ABHD18: variants seen among roughly 807,000 people sequenced by gnomAD.
ABHD18 encodes cardiolipin-specific deacylase, mitochondrial.
In ABHD18, 55 loss-of-function variants were observed where a neutral mutation model predicts 65.9. That is an observed-to-expected ratio of 0.84 (90% CI 0.67 to 1.05). The LOEUF (loss-of-function observed/expected upper bound fraction) is 1.05. Ranked by LOEUF, ABHD18 falls within the 50% of genes least tolerant of loss-of-function variation. ABHD18 has a pLI of 0.00. For missense variants in ABHD18, 533 were observed against 558.5 expected (o/e 0.95, Z 0.46); for synonymous variants, 181 against 180.2 (o/e 1.00, Z -0.04).
intron 3 of ABHD18, among the ~76,000 whole-genome samples, chr4:127,984,811 G>T (rs1749682600): frequency 6.6e-6 from 1 of 152,220 alleles, no homozygotes; most frequent in South Asian, 2.1e-4. Flanking sequence ...AGTGAGCCAA[G>T]ATCACGCCTT....
chr4:127,989,310 A>T (rs923432793), intron 3 of ABHD18, among the ~76,000 whole-genome samples: 13 of 152,188 alleles, frequency 8.5e-5, no homozygotes, highest in African/African-American at 3.1e-4. Flanking sequence ...GGAGATGATT[A>T]ATTGGTGCAA....
intron 4 of ABHD18, among the ~76,000 whole-genome samples, chr4:128,002,408 T>A (rs1752819738): frequency 1.3e-5 from 2 of 152,016 alleles, no homozygotes; most frequent in East Asian, 3.9e-4. Context: ...GTCTCCCAAG[T>A]AGCTGGGATT....
At chr4:128,001,447 A>G (rs1752615806) in intron 4 of ABHD18, among the ~76,000 whole-genome samples, 2 of 152,170 alleles carry the variant, frequency 1.3e-5, no homozygotes, top group Admixed American at 6.6e-5. Flanking sequence ...ATTAATTTGC[A>G]TATATTGAAC....
At chr4:128,035,273 G>A (rs1157272223) in intron 12 of ABHD18, among the ~76,000 whole-genome samples, 1 of 152,068 alleles carries the variant, frequency 6.6e-6, no homozygotes, top group Non-Finnish European at 1.5e-5. Flanking sequence ...AATGCTTTTA[G>A]ATCCCTCATA....
intron 12 of ABHD18, among the ~76,000 whole-genome samples, chr4:128,034,000 C>T (rs1758584397): frequency 7.1e-6 from 1 of 140,304 alleles, no homozygotes; most frequent in Admixed American, 7.3e-5. Flanking sequence ...TGCTTGTCAC[C>T]TAGGCTGGAG....
intron 12 of ABHD18, among the ~76,000 whole-genome samples, chr4:128,033,029 G>A (rs970237185): frequency 5.3e-5 from 8 of 152,112 alleles, no homozygotes; most frequent in East Asian, 1.9e-4. Context: ...CGAGGCGGGT[G>A]GATCACGAGG....
At chr4:127,995,202 A>T (rs1369497916) in intron 4 of ABHD18, among the ~76,000 whole-genome samples, 2 of 152,216 alleles carry the variant, frequency 1.3e-5, no homozygotes, top group African/African-American at 4.8e-5. Flanking sequence ...TAAATTATGC[A>T]TACTTGCAAA....
At chr4:128,021,281 T>A in intron 10 of ABHD18, 43 bp downstream of exon 10, 2 of 1,132,442 alleles carry the variant, frequency 1.8e-6, no homozygotes, top group South Asian at 2.8e-5. Context: ...GTGGGGGGAG[T>A]TGATTGTATA....
rs1560794555 is a variant in ABHD18, at chr4:127,965,482, C to T, written c.-142C>T. On this transcript the variant is annotated 5_prime_UTR_variant, in exon 1 of 13. Coordinates refer to ENST00000645843, the MANE Select transcript of ABHD18 (RefSeq NM_001358451.3). The stretch of plus-strand genomic sequence containing the variant: ...TTCCGCTGTATCTAGCATTTCGGTT[C>T]CTGGAAAGGTTACCGGAGCTGCGAT... The T allele has an allele frequency of 2.4e-6, 1 of 418,080 alleles. No homozygotes were observed. The highest frequency in any genetic ancestry group is 2.4e-5 in the South Asian group (1 of 42,382). 25.9% of individuals were successfully genotyped at this position (418,080 alleles called of 1,614,324 possible).
chr4:127,981,226 TATG>T (rs1396717729), intron 1 of ABHD18, among the ~76,000 whole-genome samples: 1 of 152,222 alleles, frequency 6.6e-6, no homozygotes, highest in Non-Finnish European at 1.5e-5. Flanking sequence ...ATATTCCACG[TATG>T]ATATTTTTTT....
chr4:127,967,423 G>A (rs984259692), intron 1 of ABHD18, among the ~76,000 whole-genome samples: 2 of 152,004 alleles, frequency 1.3e-5, no homozygotes, highest in Non-Finnish European at 2.9e-5. Context: ...ATGGCAAAGC[G>A]GCAAGAAGAA....
rs1414043546 is a variant in ABHD18 at position 128,038,050 on chromosome 4, G to A, written c.*2237G>A. ...CTACTAACGATATTTGAATTATAAT[G>A]TGCCTTTGCAGTCTTTTTAAAGGAG... On this transcript the variant is annotated 3_prime_UTR_variant, in exon 13 of 13. Coordinates refer to ENST00000645843, the MANE Select transcript of ABHD18 (RefSeq NM_001358451.3). 2.0e-5 allele frequency: 3 copies of A among 152,288 alleles called. No individual in the cohort carries two copies. The highest frequency in any genetic ancestry group is 3.9e-4 in the East Asian group (2 of 5,178). 9.4% of individuals were successfully genotyped at this position (152,288 alleles called of 1,614,324 possible). A position where few individuals can be genotyped will look rare whatever the true frequency, so the allele number is the denominator to read the frequency against.
intron 4 of ABHD18, among the ~76,000 whole-genome samples, chr4:127,991,319 C>G (rs553872433): frequency 6.6e-6 from 1 of 152,236 alleles, no homozygotes; most frequent in African/African-American, 2.4e-5. Context: ...CTCCGCCTCC[C>G]GGGTTCAGGT....
Position 128,039,605 on chromosome 4 carries a change from T to C in ABHD18, c.*3792T>C, listed in dbSNP as rs1053659998. The C allele has an allele frequency of 1.3e-5, 2 of 152,214 alleles. No homozygotes were observed. Among genetic ancestry groups the C allele is most frequent in the Admixed American group, 1.3e-4 (2 of 15,258 alleles). The allele number at this position is 152,214 out of a possible 1,614,324, so 9.4% of individuals were successfully genotyped here. A position where few individuals can be genotyped will look rare whatever the true frequency, so the allele number is the denominator to read the frequency against. ...TCTTTGTATTTTTGTAATGTGGTGC[T>C]TTCTCTCATAAAGATAATTGAATTG... On this transcript the variant is annotated 3_prime_UTR_variant, in exon 13 of 13. Transcript: ENST00000645843.
intron 8 of ABHD18, among the ~76,000 whole-genome samples, chr4:128,017,920 C>G (rs1755796610): frequency 6.6e-6 from 1 of 152,140 alleles, no homozygotes; most frequent in African/African-American, 2.4e-5. Context: ...TTCTCTGTCT[C>G]TAGTCTTTTC....
chr4:127,986,479 G>A (rs1438259669), intron 3 of ABHD18, among the ~76,000 whole-genome samples: 1 of 152,064 alleles, frequency 6.6e-6, no homozygotes, highest in Non-Finnish European at 1.5e-5. Flanking sequence ...ATGGACATTT[G>A]GGTTGTTTTC....
intron 4 of ABHD18, chr4:128,001,816 G>A: frequency 4.8e-6 from 7 of 1,469,720 alleles, no homozygotes; most frequent in Non-Finnish European, 6.3e-6. Flanking sequence ...TATATCCTTA[G>A]TGGTTAGATG....
intron 7 of ABHD18, among the ~76,000 whole-genome samples, chr4:128,016,513 G>A (rs992460653): frequency 6.6e-6 from 1 of 152,076 alleles, no homozygotes; most frequent in East Asian, 1.9e-4. Flanking sequence ...GGTGGCTCAC[G>A]CCTGTAATCC....
At chr4:128,023,347 C>T (rs1756824728) in intron 10 of ABHD18, among the ~76,000 whole-genome samples, 1 of 124,734 alleles carries the variant, frequency 8.0e-6, no homozygotes, top group South Asian at 2.6e-4. Flanking sequence ...AAGAGGATCA[C>T]TTGAAGCCAG....
Sources: gnomAD v4.1 joint callset for allele counts (sites outside exome capture counted in the v4.1 genomes callset) on GRCh38, gnomAD v4.1.1 for gene constraint, MANE v1.5 for transcripts, NCBI Gene and HGNC (gene_info 2026-07-23, HGNC 2026-07-21) for gene names.